MYRF: variants seen among roughly 807,000 people sequenced by gnomAD.
MYRF encodes the protein myelin gene regulatory factor.
MYRF carries 16 observed loss-of-function variants against 126.3 expected under a neutral mutation model. That is an observed-to-expected ratio of 0.13 (90% CI 0.09 to 0.19). The LOEUF (loss-of-function observed/expected upper bound fraction) is 0.19. Ranked by LOEUF, MYRF falls within the 10% of genes least tolerant of loss-of-function variation. The pLI is 1.00. For synonymous variants in MYRF, 608 were observed against 635.3 expected (o/e 0.96, Z 0.65); for missense variants, 1,104 against 1,547.0 (o/e 0.71, Z 4.80).
At chr11:61,779,729 C>T (rs764718917) in intron 16 of MYRF, 113 bp from the exon 17 acceptor site, 20 of 1,225,574 alleles carry the variant, frequency 1.6e-5, no homozygotes, top group Non-Finnish European at 2.1e-5. Context: ...CTCCCTTTGC[C>T]CCCGGGGAAA....
intron 3 of MYRF, chr11:61,768,906 G>A (rs1165932957): frequency 4.5e-6 from 1 of 223,084 alleles, no homozygotes; most frequent in Non-Finnish European, 8.7e-6. Context: ...TGTGTTTCCA[G>A]GAAGCTGTGG....
Position 61,779,506 on chromosome 11 carries a change from G to A in MYRF, c.2183G>A (p.Gly728Glu). ...TGSSGAFSHA[G>E]SQFSRAGSVP... ...TGGCCCTCTTGCTGCAGCCATGCAG[G>A]GAGCCAGTTCAGTCGGGCGGGCAGC... The change falls in exon 16 of 27, where the codon GGG (glycine) becomes GAG (glutamate). Residue 728 changes from glycine (G) to glutamate (E), a missense_variant. By Grantham distance (98) the Gly-to-Glu change is moderately conservative. Around this residue, in one of 10 missense-constraint regions of MYRF, gnomAD observed 323 missense variants for 383.1 expected, o/e 0.84. Coordinates refer to ENST00000278836, the MANE Select transcript of MYRF (RefSeq NM_001127392.3). 6.5e-7 allele frequency: 1 copy of A among 1,527,916 alleles called. No individual in the cohort carries two copies. The highest frequency in any genetic ancestry group is 1.3e-5 in the South Asian group (1 of 77,794). 94.6% of individuals were successfully genotyped at this position (1,527,916 alleles called of 1,614,324 possible). A position where few individuals can be genotyped will look rare whatever the true frequency, so the allele number is the denominator to read the frequency against.
Position 61,786,673 on chromosome 11 carries a change from G to C in MYRF, c.*530G>C, listed in dbSNP as rs1192955297. 6.4e-6 allele frequency: 1 copy of C among 155,156 alleles called. No individual in the cohort carries two copies. Among genetic ancestry groups the C allele is most frequent in the East Asian group, 1.9e-4 (1 of 5,378 alleles). The allele number at this position is 155,156 out of a possible 1,614,324, so 9.6% of individuals were successfully genotyped here. A position where few individuals can be genotyped will look rare whatever the true frequency, so the allele number is the denominator to read the frequency against. On this transcript the variant is annotated 3_prime_UTR_variant, in exon 27 of 27. Transcript: ENST00000278836. The surrounding 1 kb of genome is among the most constrained non-coding windows in gnomAD (Gnocchi z 4.5). Reference sequence around the variant, plus strand: ...AAAGCTGTTCCCTGGGGGATGGCTTGGTAGTGGACTTTCTGGGGTTTGCCT... The same window carrying C: ...AAAGCTGTTCCCTGGGGGATGGCTTCGTAGTGGACTTTCTGGGGTTTGCCT...
chr11:61,759,991 CAG>C (rs2065860273), intron 1 of MYRF, among the ~76,000 whole-genome samples: 1 of 151,252 alleles, frequency 6.6e-6, no homozygotes. Flanking sequence ...TTTTTTGAGA[CAG>C]AGTCTCACTC....
intron 1 of MYRF, among the ~76,000 whole-genome samples, chr11:61,761,261 G>GGT (rs1555053533): frequency 4.1e-5 from 5 of 120,932 alleles, no homozygotes; most frequent in East Asian, 2.0e-4. Context: ...ACAGCTGGTG[G>GGT]GGGGGGGGGC....
intron 2 of MYRF, 68 bp from the exon 3 acceptor site, chr11:61,765,890 A>G: frequency 6.9e-7 from 1 of 1,458,396 alleles, no homozygotes; most frequent in Non-Finnish European, 9.1e-7. Flanking sequence ...CCCTGCAGGG[A>G]GGGGGCGGCT....
At chr11:61,772,050 C>A in intron 7 of MYRF, 98 bp downstream of exon 7, 1 of 1,499,580 alleles carries the variant, frequency 6.7e-7, no homozygotes, top group Non-Finnish European at 9.0e-7. Flanking sequence ...GGCCTGGGAG[C>A]ACTCATTTCA....
rs1239655005 is a variant in MYRF at position 61,787,384 on chromosome 11, C to T, written c.*1241C>T. 6.6e-6 allele frequency: 1 copy of T among 152,274 alleles called. No homozygotes were observed. The highest frequency in any genetic ancestry group is 1.5e-5 in the Non-Finnish European group (1 of 68,032). 9.4% of individuals were successfully genotyped at this position (152,274 alleles called of 1,614,324 possible). A position where few individuals can be genotyped will look rare whatever the true frequency, so the allele number is the denominator to read the frequency against. ...TGCATTCCGAGGCTACATCCAGGCTCATGGAAGGAGTGTAGTATTCATTTA... is the reference window on the plus strand; with the variant it reads ...TGCATTCCGAGGCTACATCCAGGCTTATGGAAGGAGTGTAGTATTCATTTA... On this transcript the variant is annotated 3_prime_UTR_variant, in exon 27 of 27. Transcript: ENST00000278836.
chr11:61,774,784 C>G (rs1289849521), intron 8 of MYRF, among the ~76,000 whole-genome samples: 1 of 151,266 alleles, frequency 6.6e-6, no homozygotes, highest in Non-Finnish European at 1.5e-5. Context: ...GGCACCTTAC[C>G]CTGACTCTGT....
rs867346932 is a variant in MYRF, at chr11:61,766,113, C to T, written c.290C>T (p.Thr97Ile). 6.2e-7 allele frequency: 1 copy of T among 1,608,860 alleles called. No homozygotes were observed. The highest frequency in any genetic ancestry group is 8.5e-7 in the Non-Finnish European group (1 of 1,179,360). Residue 97 changes from threonine (T) to isoleucine (I), a missense_variant, in exon 3 of 27, where the codon ACC (threonine) becomes ATC (isoleucine). This residue lies in a region of MYRF where 368 missense variants were observed against 403.9 expected (regional missense o/e 0.91). Transcript: ENST00000278836. ...CCCCTCCCACCCCCGGGCTACGGCA[C>T]CCCGCTGAACTGCAACAACAACAAC... ...HGPLPPPGYGTPLNCNNNNGM... is the reference protein window; with the variant it reads ...HGPLPPPGYGIPLNCNNNNGM...
Position 61,779,830 on chromosome 11 carries a change from C to T in MYRF, c.2248-12C>T, listed in dbSNP as rs373667852. On this transcript the variant is annotated splice_polypyrimidine_tract_variant and intron_variant, in intron 16 of 26. Transcript: ENST00000278836. ...CCCTCTTTGCATTTGCACTTTTCCT[C>T]TTGGTCCTCAGTCATCGTCCGTGGT... 8.1e-6 allele frequency: 13 copies of T among 1,612,582 alleles called. No individual in the cohort carries two copies. Among genetic ancestry groups the T allele is most frequent in the Middle Eastern group, 1.6e-4 (1 of 6,078 alleles).
rs78430407 is a variant in MYRF, at chr11:61,775,250, G to A, written c.1312-806G>A. On this transcript the variant is annotated intron_variant, in intron 8 of 26. Coordinates refer to ENST00000278836, the MANE Select transcript of MYRF (RefSeq NM_001127392.3). Reference sequence around the variant, plus strand: ...CCCAGTGTCCTCCCAGCAAAGCCCCGGCTTCCAAGCTGCACCACGGGGGCC... The same window carrying A: ...CCCAGTGTCCTCCCAGCAAAGCCCCAGCTTCCAAGCTGCACCACGGGGGCC... 6.8e-3 allele frequency among the ~76,000 whole-genome samples: 1,040 copies of A among 152,248 alleles called. 10 individuals carry two copies. Among genetic ancestry groups the A allele is most frequent in the African/African-American group, 0.024 (989 of 41,538 alleles).
rs779715007 is a variant in MYRF, at chr11:61,781,838, C to A, written c.3016+14C>A. On this transcript the variant is annotated intron_variant, in intron 22 of 26. Coordinates refer to ENST00000278836, the MANE Select transcript of MYRF (RefSeq NM_001127392.3). ...AGGGCCAGTCAGGTACTTGCTGCAC[C>A]CCTGACACTACCCAGCCCAGCCTGG... The A allele has an allele frequency of 5.2e-6, 8 of 1,524,794 alleles. No homozygotes were observed. The South Asian group carries it at 9.0e-5, about 17-fold the overall frequency. The allele number at this position is 1,524,794 out of a possible 1,614,324, so 94.5% of individuals were successfully genotyped here.
In MYRF at chr11:61,765,700, A is replaced by G; in HGVS notation, c.122A>G (p.Asp41Gly). The change falls in exon 2 of 27, where the codon GAT (aspartate) becomes GGT (glycine). Residue 41 changes from aspartate to glycine, a missense_variant. Asp to Gly is a moderately conservative substitution (Grantham distance 94). Around this residue, in one of 10 missense-constraint regions of MYRF, gnomAD observed 368 missense variants for 403.9 expected, o/e 0.91. Transcript: ENST00000278836. ...CTGGAGGAGTACATCAGCAAGGAGG[A>G]TGCCTCCGACCTGTGAGTGGCCCCC... is the stretch of plus-strand genomic sequence containing the variant. ...SILEEYISKE[D>G]ASDLCFPDIS... is the part of the protein sequence containing the mutation. 1 of 1,612,308 alleles carries G rather than the reference A, an allele frequency of 6.2e-7. No individual in the cohort carries two copies. Among genetic ancestry groups the G allele is most frequent in the Non-Finnish European group, 8.5e-7 (1 of 1,179,676 alleles).
At chr11:61,779,083 G>A (rs1457763478) in intron 14 of MYRF, 180 bp from the exon 15 acceptor site, 2 of 659,558 alleles carry the variant, frequency 3.0e-6, no homozygotes, top group South Asian at 3.6e-5. Context: ...AGGCACAGGA[G>A]CTGTGGGAGC....
chr11:61,757,116 T>C lies in MYRF; in HGVS notation c.46+4326T>C. Reference sequence around the variant, plus strand: ...CTTCCTCTTCACGGACCTAGCACCTTCCTGGGCCTCAGTTTCTCTCATTGC... The same window carrying C: ...CTTCCTCTTCACGGACCTAGCACCTCCCTGGGCCTCAGTTTCTCTCATTGC... On this transcript the variant is annotated intron_variant, in intron 1 of 26. Transcript: ENST00000278836. The surrounding 1 kb of genome is among the most constrained non-coding windows in gnomAD (Gnocchi z 4.7). The C allele has an allele frequency of 2.2e-6, 1 of 455,428 alleles. No individual in the cohort carries two copies. The allele number at this position is 455,428 out of a possible 1,614,324, so 28.2% of individuals were successfully genotyped here. A position where few individuals can be genotyped will look rare whatever the true frequency, so the allele number is the denominator to read the frequency against.
chr11:61,784,853 C>T (rs2066654201), intron 25 of MYRF: 1 of 156,174 alleles, frequency 6.4e-6, no homozygotes, highest in Non-Finnish European at 1.4e-5. Context: ...GTGAGCTCCT[C>T]CCTGGCCAGG....
rs547155062 is a variant in MYRF at position 61,778,018 on chromosome 11, C to T, written c.1903+173C>T. On this transcript the variant is annotated intron_variant, in intron 13 of 26. Transcript: ENST00000278836. This position sits in a 1 kb window ranked among gnomAD's most constrained non-coding sequence, Gnocchi z 4.6. ...TCGGACCTTGGAAAATCGCACCTCT[C>T]CAGGTCCCCGGAACCTCGCCCCATT... 3.7e-4 allele frequency among the ~76,000 whole-genome samples: 56 copies of T among 152,328 alleles called. No individual in the cohort carries two copies. Among genetic ancestry groups the T allele is most frequent in the Middle Eastern group, 3.4e-3 (1 of 292 alleles).
intron 22 of MYRF, chr11:61,782,523 T>G (rs2066579705): frequency 6.6e-6 from 1 of 152,256 alleles, no homozygotes; most frequent in Non-Finnish European, 1.5e-5. Flanking sequence ...TGGCTGGCTC[T>G]GTACAGGGGA....
Sources: allele counts gnomAD v4.1 joint callset (sites outside exome capture counted in the v4.1 genomes callset), GRCh38; gene constraint gnomAD v4.1.1; regional missense constraint gnomAD v4.1.1; non-coding constraint Gnocchi (gnomAD v3.1); transcripts MANE v1.5; gene names NCBI Gene and HGNC (gene_info 2026-07-23, HGNC 2026-07-21).